Variants in ARPP21 observed in about 807,000 individuals in gnomAD.
ARPP21 encodes cAMP-regulated phosphoprotein 21.
ARPP21 carries 69 observed loss-of-function variants against 113.2 expected under a neutral mutation model. The ratio of observed to expected loss-of-function variants is 0.61; its 90% CI spans 0.50 to 0.74. ARPP21 has a LOEUF of 0.74. Among genes scored for constraint, ARPP21 ranks in the 30% least tolerant of loss-of-function variants. The probability of loss-of-function intolerance (pLI) is 0.00; values close to 1 mark genes in which losing one functional copy is unlikely to be tolerated. For synonymous variants in ARPP21, 368 were observed against 375.5 expected (o/e 0.98, Z 0.23); for missense variants, 1,070 against 1,037.4 (o/e 1.03, Z -0.43).
In ARPP21 at chr3:35,689,302, T is replaced by C. The variant is rs370718752; in HGVS notation, c.407-5T>C. 5.1e-5 allele frequency: 76 copies of C among 1,483,978 alleles called. No homozygotes were observed. In the East Asian group the frequency reaches 1.7e-3, roughly 34 times the overall value. 91.9% of individuals were successfully genotyped at this position (1,483,978 alleles called of 1,614,324 possible). ...CTGACAGCTCCGTCCTGCTATTTGTTTCAGATTGCAGCCAAGAATACACGG... is the reference window on the plus strand; with the variant it reads ...CTGACAGCTCCGTCCTGCTATTTGTCTCAGATTGCAGCCAAGAATACACGG... On this transcript the variant is annotated splice_polypyrimidine_tract_variant and splice_region_variant and intron_variant, in intron 6 of 20. Transcript: ENST00000684406.
At chr3:35,650,247 G>A (rs918710690) in intron 1 of ARPP21, 8 of 152,016 alleles carry the variant, frequency 5.3e-5, no homozygotes, top group Admixed American at 2.0e-4. Flanking sequence ...CTTGGGTGAC[G>A]GCTAACAAGG....
intron 10 of ARPP21, among the ~76,000 whole-genome samples, 173 bp downstream of exon 10, chr3:35,707,255 T>C (rs1178509443): frequency 6.6e-6 from 1 of 151,958 alleles, no homozygotes; most frequent in Non-Finnish European, 1.5e-5. Context: ...TGGCATTCAA[T>C]GGGTAGCAAA....
intron 19 of ARPP21, among the ~76,000 whole-genome samples, chr3:35,789,587 CA>C (rs1468944988): frequency 6.6e-6 from 1 of 152,028 alleles, no homozygotes; most frequent in East Asian, 1.9e-4. Flanking sequence ...ATGGGAACCC[CA>C]GTGTAAAGCT....
At chr3:35,669,433 A>G (rs2075765170) in intron 1 of ARPP21, among the ~76,000 whole-genome samples, 1 of 152,194 alleles carries the variant, frequency 6.6e-6, no homozygotes, top group Non-Finnish European at 1.5e-5. Flanking sequence ...TTTCTGTGAT[A>G]TATCAAATTG....
intron 4 of ARPP21, 101 bp from the exon 5 acceptor site, chr3:35,683,625 G>A: frequency 1.5e-6 from 1 of 686,608 alleles, no homozygotes; most frequent in East Asian, 2.7e-5. Context: ...AATCTCATTT[G>A]GGGAAGTTAT....
At chr3:35,661,932 A>T (rs537432776) in intron 1 of ARPP21, among the ~76,000 whole-genome samples, 1 of 152,264 alleles carries the variant, frequency 6.6e-6, no homozygotes, top group African/African-American at 2.4e-5. Flanking sequence ...AGTATCTTGA[A>T]TGCCTATTAT....
At chr3:35,644,805 A>C (rs552356585) in intron 1 of ARPP21, among the ~76,000 whole-genome samples, 2 of 152,014 alleles carry the variant, frequency 1.3e-5, no homozygotes, top group South Asian at 2.1e-4. Context: ...GGTGGAGAGA[A>C]TGTTAATCAC....
At chr3:35,646,480 C>T (rs560403577) in intron 1 of ARPP21, among the ~76,000 whole-genome samples, 13 of 152,176 alleles carry the variant, frequency 8.5e-5, no homozygotes, top group African/African-American at 2.9e-4. Flanking sequence ...GTGACAGAAT[C>T]AAGAATTCTG....
intron 1 of ARPP21, among the ~76,000 whole-genome samples, chr3:35,659,242 G>A (rs946587051): frequency 6.6e-6 from 1 of 152,118 alleles, no homozygotes. Flanking sequence ...ACATGCTTGT[G>A]AATGCACACA....
At chr3:35,771,008 A>G (rs527354193) in intron 19 of ARPP21, among the ~76,000 whole-genome samples, 2 of 152,136 alleles carry the variant, frequency 1.3e-5, no homozygotes, top group African/African-American at 2.4e-5. Flanking sequence ...GTCATCCAGT[A>G]CTCTCATTTT....
intron 14 of ARPP21, 61 bp downstream of exon 14, chr3:35,721,895 T>C (rs1203751825): frequency 9.5e-7 from 1 of 1,055,940 alleles, no homozygotes; most frequent in African/African-American, 1.6e-5. Context: ...CCAAGCCATA[T>C]GGTCACCATT....
intron 1 of ARPP21, among the ~76,000 whole-genome samples, chr3:35,670,797 AGGAAT>A (rs2076154656): frequency 6.6e-6 from 1 of 152,104 alleles, no homozygotes; most frequent in Non-Finnish European, 1.5e-5. Context: ...TTTTCCTCCC[AGGAAT>A]GTATTCATTT....
At chr3:35,658,824 C>G (rs934498255) in intron 1 of ARPP21, among the ~76,000 whole-genome samples, 33 of 151,926 alleles carry the variant, frequency 2.2e-4, no homozygotes, top group Non-Finnish European at 5.9e-5. Flanking sequence ...AGAGAGTGTA[C>G]AAATGTTACT....
intron 19 of ARPP21, among the ~76,000 whole-genome samples, chr3:35,787,015 T>A (rs900511471): frequency 6.6e-6 from 1 of 152,164 alleles, no homozygotes; most frequent in Non-Finnish European, 1.5e-5. Context: ...TATTTCTGTC[T>A]TAAAGGTGAT....
chr3:35,733,172 G>A (rs1008199041), intron 15 of ARPP21, among the ~76,000 whole-genome samples: 5 of 151,712 alleles, frequency 3.3e-5, no homozygotes, highest in Admixed American at 2.0e-4. Flanking sequence ...TCTTTGTGAG[G>A]AGGGTCCATG....
upstream of ARPP21, chr3:35,638,992 G>C (rs1003114719): frequency 2.0e-5 from 3 of 152,480 alleles, no homozygotes; most frequent in Non-Finnish European, 4.4e-5. Context: ...ACAAGGCTTC[G>C]TCAAGAGTCC....
At chr3:35,714,349 C>T (rs2092001018) in intron 11 of ARPP21, among the ~76,000 whole-genome samples, 1 of 152,142 alleles carries the variant, frequency 6.6e-6, no homozygotes, top group Non-Finnish European at 1.5e-5. Context: ...AACATAGAAA[C>T]CAATATTCTG....
chr3:35,747,932 GGAAAGAAAGAAAGAAAAA>G (rs1245890234), intron 19 of ARPP21, among the ~76,000 whole-genome samples: 4 of 127,412 alleles, frequency 3.1e-5, no homozygotes, highest in East Asian at 4.3e-4. Context: ...GAAAGAAGGA[GGAAAGAAAGAAAGAAAAA>G]GAAAGAAAGA....
chr3:35,788,086 A>C (rs1357820587), intron 19 of ARPP21, among the ~76,000 whole-genome samples: 1 of 152,218 alleles, frequency 6.6e-6, no homozygotes, highest in African/African-American at 2.4e-5. Flanking sequence ...TCCTCAAAGA[A>C]GATAAAGTAC....
Sources: gnomAD v4.1 joint callset for allele counts (sites outside exome capture counted in the v4.1 genomes callset) on GRCh38, gnomAD v4.1.1 for gene constraint, MANE v1.5 for transcripts, NCBI Gene and HGNC (gene_info 2026-07-23, HGNC 2026-07-21) for gene names.